Variants in SBF2 observed in about 807,000 individuals in gnomAD.
SBF2 encodes the protein SET binding factor 2, also known as myotubularin-related protein 13.
A neutral mutation model predicts 225.2 loss-of-function variants in SBF2; 112 were observed. The observed-to-expected ratio is 0.50, with a 90% confidence interval of 0.43 to 0.58. The LOEUF (loss-of-function observed/expected upper bound fraction) is 0.58. Among genes scored for constraint, SBF2 ranks in the 20% least tolerant of loss-of-function variants. SBF2 has a pLI of 0.00. For missense variants in SBF2, 1,996 were observed against 2,206.2 expected (o/e 0.90, Z 1.91); for synonymous variants, 763 against 773.3 (o/e 0.99, Z 0.22).
intron 1 of SBF2, among the ~76,000 whole-genome samples, chr11:10,213,701 T>G (rs184368259): frequency 3.3e-4 from 50 of 152,254 alleles, no homozygotes; most frequent in Admixed American, 2.8e-3. Flanking sequence ...CTCAACAAGC[T>G]GAAGTCATTA....
At chr11:9,851,298 G>C (rs1179096191) in intron 21 of SBF2, among the ~76,000 whole-genome samples, 1 of 152,152 alleles carries the variant, frequency 6.6e-6, no homozygotes. Flanking sequence ...CACAGTTAAG[G>C]GTGGAGGTGG....
chr11:9,837,009 C>T (rs1034593088), intron 26 of SBF2, among the ~76,000 whole-genome samples: 1 of 152,140 alleles, frequency 6.6e-6, no homozygotes, highest in Non-Finnish European at 1.5e-5. Flanking sequence ...AGATTTTCTA[C>T]ATGTGCATTT....
intron 2 of SBF2, among the ~76,000 whole-genome samples, chr11:10,155,439 G>C (rs906058443): frequency 2.0e-5 from 3 of 152,106 alleles, no homozygotes; most frequent in Non-Finnish European, 4.4e-5. Context: ...AGAAAGTAGA[G>C]ACAGAACATT....
chr11:9,947,658 T>C (rs1236643852), intron 16 of SBF2, among the ~76,000 whole-genome samples: 1 of 152,182 alleles, frequency 6.6e-6, no homozygotes, highest in African/African-American at 2.4e-5. Flanking sequence ...TCAGGTACTC[T>C]TGCAGCTTGC....
At chr11:9,860,444 T>C (rs1048516539) in intron 17 of SBF2, among the ~76,000 whole-genome samples, 11 of 151,930 alleles carry the variant, frequency 7.2e-5, no homozygotes, top group Admixed American at 1.3e-4. Flanking sequence ...GCAATTTTTG[T>C]AGCTTTTTTT....
rs1032314561 is a variant in SBF2, at chr11:9,779,933, C to T, written c.*485G>A. ...CTTTTGGCAGCACCAGAGAACTGAGCATCTCAAAGGTCAGGCATTACAAGT... is the reference window on the plus strand; with the variant it reads ...CTTTTGGCAGCACCAGAGAACTGAGTATCTCAAAGGTCAGGCATTACAAGT... On this transcript the variant is annotated 3_prime_UTR_variant, in exon 40 of 40. Coordinates refer to ENST00000256190, the MANE Select transcript of SBF2 (RefSeq NM_030962.4). The T allele has an allele frequency of 2.8e-5, 6 of 217,358 alleles. No homozygotes were observed. The highest frequency in any genetic ancestry group is 1.0e-4 in the Admixed American group (2 of 19,452). 13.5% of individuals were successfully genotyped at this position (217,358 alleles called of 1,614,324 possible).
At chr11:10,256,247 C>G (rs913892013) in intron 1 of SBF2, among the ~76,000 whole-genome samples, 2 of 152,202 alleles carry the variant, frequency 1.3e-5, no homozygotes, top group African/African-American at 4.8e-5. Context: ...CTTCCCAACT[C>G]TGCCCCTATT....
intron 2 of SBF2, among the ~76,000 whole-genome samples, chr11:10,050,551 T>C (rs2134712247): frequency 6.6e-6 from 1 of 152,272 alleles, no homozygotes; most frequent in South Asian, 2.1e-4. Flanking sequence ...TATTAGACTA[T>C]AATAAAAGTT....
At chr11:9,960,009 G>T (rs906935444) in intron 16 of SBF2, 48 of 291,240 alleles carry the variant, frequency 1.6e-4, no homozygotes, top group Non-Finnish European at 1.9e-4. Context: ...TTAAAGAGAT[G>T]GGGTCTTGAT....
intron 2 of SBF2, among the ~76,000 whole-genome samples, chr11:10,193,595 G>A (rs1303285189): frequency 5.9e-5 from 9 of 151,822 alleles, no homozygotes; most frequent in African/African-American, 1.5e-4. Context: ...CTCGTAATCC[G>A]CCCGCCTTGG....
chr11:9,874,268 T>A (rs1424809308), intron 17 of SBF2, among the ~76,000 whole-genome samples: 1 of 152,144 alleles, frequency 6.6e-6, no homozygotes, highest in Non-Finnish European at 1.5e-5. Context: ...AGTAAAAACT[T>A]ATTCCTTACA....
At chr11:9,913,158 C>A (rs1862784458) in intron 16 of SBF2, among the ~76,000 whole-genome samples, 1 of 152,076 alleles carries the variant, frequency 6.6e-6, no homozygotes, top group African/African-American at 2.4e-5. Context: ...GTGGCATGTG[C>A]CTGTAGTCTC....
chr11:10,201,801 G>T (rs980374978), intron 1 of SBF2, among the ~76,000 whole-genome samples: 26 of 152,144 alleles, frequency 1.7e-4, no homozygotes, highest in African/African-American at 6.0e-4. Context: ...TTCGAGACCA[G>T]CCTGGCCAAC....
At chr11:10,222,984 C>T (rs117869258) in intron 1 of SBF2, among the ~76,000 whole-genome samples, 14 of 152,042 alleles carry the variant, frequency 9.2e-5, no homozygotes, top group Non-Finnish European at 1.3e-4. Context: ...TCTTCAGAGA[C>T]GTTTTATCGG....
chr11:10,273,151 G>A (rs918796138), intron 1 of SBF2, among the ~76,000 whole-genome samples: 2 of 152,080 alleles, frequency 1.3e-5, no homozygotes, highest in Non-Finnish European at 2.9e-5. Flanking sequence ...GTAAATAGAA[G>A]ACCGTTTTTA....
intron 16 of SBF2, among the ~76,000 whole-genome samples, chr11:9,942,495 T>C (rs908142886): frequency 6.6e-6 from 1 of 152,178 alleles, no homozygotes; most frequent in African/African-American, 2.4e-5. Context: ...GAGGCTCTCA[T>C]GGAAGTGAAT....
chr11:9,860,525 T>C (rs1289542807), intron 17 of SBF2, among the ~76,000 whole-genome samples: 1 of 151,960 alleles, frequency 6.6e-6, no homozygotes, highest in Non-Finnish European at 1.5e-5. Flanking sequence ...GAGATGGGGT[T>C]TCATCATATT....
chr11:10,299,061 A>G (rs12419064), upstream of SBF2, among the ~76,000 whole-genome samples: 66,615 of 151,966 alleles, frequency 0.44, 14,913 homozygotes, highest in Non-Finnish European at 0.47. Flanking sequence ...TGTCCTGGCC[A>G]GGTGTGGTGG....
chr11:10,197,767 T>G (rs1030095295), intron 1 of SBF2, among the ~76,000 whole-genome samples: 1 of 152,266 alleles, frequency 6.6e-6, no homozygotes, highest in Admixed American at 6.5e-5. Context: ...TAAATTGATG[T>G]AATATCCTAA....
Sources: allele counts gnomAD v4.1 joint callset (sites outside exome capture counted in the v4.1 genomes callset), GRCh38; gene constraint gnomAD v4.1.1; transcripts MANE v1.5; gene names NCBI Gene and HGNC (gene_info 2026-07-23, HGNC 2026-07-21).